Variants in MALRD1 observed in about 807,000 individuals in gnomAD.
MALRD1 encodes the protein MAM and LDL receptor class A domain containing 1, also known as MAM and LDL-receptor class A domain-containing protein 1.
A neutral mutation model predicts 242.1 loss-of-function variants in MALRD1; 247 were observed. The ratio of observed to expected loss-of-function variants is 1.02; its 90% confidence interval spans 0.92 to 1.13. The LOEUF (loss-of-function observed/expected upper bound fraction) is 1.13. Among genes scored for constraint, MALRD1 ranks in the 50% most tolerant of loss-of-function variants. The probability of loss-of-function intolerance (pLI) is 0.00; values close to 1 mark genes in which losing one functional copy is unlikely to be tolerated. For synonymous variants in MALRD1, 995 were observed against 866.6 expected (o/e 1.15, Z -2.60); for missense variants, 2,989 against 2,533.1 (o/e 1.18, Z -3.86).
intron 29 of MALRD1, among the ~76,000 whole-genome samples, chr10:19,468,931 C>A (rs923995911): frequency 2.6e-5 from 4 of 152,022 alleles, no homozygotes; most frequent in Admixed American, 2.0e-4. Flanking sequence ...TTCTCTCCCT[C>A]CTCTTAATTT....
chr10:19,304,014 C>A (rs1288558363), intron 21 of MALRD1, among the ~76,000 whole-genome samples: 2 of 151,666 alleles, frequency 1.3e-5, no homozygotes, highest in African/African-American at 2.4e-5. Flanking sequence ...TTAAGGGATA[C>A]TGGGGTAGCT....
At chr10:19,637,109 A>C (rs1840171463) in intron 36 of MALRD1, among the ~76,000 whole-genome samples, 1 of 152,192 alleles carries the variant, frequency 6.6e-6, no homozygotes, top group African/African-American at 2.4e-5. Flanking sequence ...GGCCAATAAG[A>C]CTTGATAAGT....
chr10:19,086,405 G>A (rs933035899), intron 2 of MALRD1, among the ~76,000 whole-genome samples: 2 of 151,994 alleles, frequency 1.3e-5, no homozygotes, highest in African/African-American at 4.8e-5. Context: ...ATGAAATAGA[G>A]TGGCAGAAAA....
chr10:19,146,144 T>G (rs1833719305), intron 10 of MALRD1, 54 bp from the exon 11 acceptor site: 1 of 1,212,646 alleles, frequency 8.2e-7, no homozygotes. Flanking sequence ...AGAGCAGTGT[T>G]TGCCTGCATG....
intron 28 of MALRD1, 60 bp from the exon 29 acceptor site, chr10:19,450,247 C>T (rs1835244704): frequency 7.0e-7 from 1 of 1,420,016 alleles, no homozygotes; most frequent in African/African-American, 1.4e-5. Context: ...TTTTGCCCCA[C>T]ACTGCATCAT....
intron 33 of MALRD1, among the ~76,000 whole-genome samples, chr10:19,578,868 A>G (rs746333214): frequency 4.6e-5 from 7 of 152,180 alleles, no homozygotes; most frequent in South Asian, 4.1e-4. Context: ...TACATCTTTT[A>G]GCTTACATCT....
chr10:19,503,315 G>A (rs1298424224), intron 31 of MALRD1, among the ~76,000 whole-genome samples: 1 of 152,182 alleles, frequency 6.6e-6, no homozygotes, highest in African/African-American at 2.4e-5. Context: ...TGAGCCTATG[G>A]TCTATTTCTA....
At chr10:19,208,629 G>T (rs926131651) in intron 17 of MALRD1, among the ~76,000 whole-genome samples, 1 of 152,156 alleles carries the variant, frequency 6.6e-6, no homozygotes, top group African/African-American at 2.4e-5. Context: ...CAGGGTGCTT[G>T]TTAAAAATGT....
chr10:19,408,736 G>A (rs1432106870), intron 28 of MALRD1, among the ~76,000 whole-genome samples: 2 of 152,016 alleles, frequency 1.3e-5, no homozygotes, highest in Admixed American at 6.6e-5. Context: ...ACTACACGCC[G>A]ACCAGAATAG....
At chr10:19,376,542 CTTTTTTTTTT>C (rs57836152) in intron 26 of MALRD1, among the ~76,000 whole-genome samples, 6 of 94,990 alleles carry the variant, frequency 6.3e-5, no homozygotes, top group East Asian at 3.4e-4. Context: ...TTGATACATT[CTTTTTTTTTT>C]TTTTTTTTTT....
At chr10:19,285,813 G>A (rs963669559) in intron 21 of MALRD1, among the ~76,000 whole-genome samples, 4 of 110,848 alleles carry the variant, frequency 3.6e-5, no homozygotes, top group African/African-American at 1.1e-4. Flanking sequence ...GCTTGATGGG[G>A]ATGGCATTGA....
rs56045302 is a variant in MALRD1 at position 19,379,682 on chromosome 10, C to T, written c.4442-7846C>T. Among the ~76,000 whole-genome samples the T allele has an allele frequency of 9.4e-3, 1,428 of 152,188 alleles. 20 individuals carry two copies. The highest frequency in any genetic ancestry group is 0.032 in the African/African-American group (1,349 of 41,526). ...TTAATTCTTCTAAATTTATTGAAAC[C>T]TGTTTTATGGCCTTTTATATGGTCC... On this transcript the variant is annotated intron_variant, in intron 26 of 39. Coordinates refer to ENST00000454679, the MANE Select transcript of MALRD1 (RefSeq NM_001142308.3).
chr10:19,599,443 A>ATT (rs1330798948), intron 34 of MALRD1, among the ~76,000 whole-genome samples: 2 of 152,186 alleles, frequency 1.3e-5, no homozygotes, highest in Non-Finnish European at 2.9e-5. Context: ...TCGTAAAAAT[A>ATT]TAAAAGAAAA....
At chr10:19,568,857 A>G (rs978051029) in intron 33 of MALRD1, among the ~76,000 whole-genome samples, 1 of 151,990 alleles carries the variant, frequency 6.6e-6, no homozygotes, top group African/African-American at 2.4e-5. Flanking sequence ...TTTCACACGA[A>G]TTTGAATAGT....
At chr10:19,377,582 C>T (rs924378894) in intron 26 of MALRD1, among the ~76,000 whole-genome samples, 1 of 151,816 alleles carries the variant, frequency 6.6e-6, no homozygotes, top group Non-Finnish European at 1.5e-5. Context: ...GAATAAGATA[C>T]ATAAAATTCT....
intron 21 of MALRD1, chr10:19,290,092 G>A (rs1298888165): frequency 6.6e-6 from 1 of 152,146 alleles, no homozygotes; most frequent in Non-Finnish European, 1.5e-5. Flanking sequence ...CTGTGTAGTT[G>A]AGTCTTAGGC....
chr10:19,289,199 G>A (rs1841288717), intron 21 of MALRD1, among the ~76,000 whole-genome samples: 1 of 152,118 alleles, frequency 6.6e-6, no homozygotes, highest in Non-Finnish European at 1.5e-5. Context: ...TTAAGAAAAG[G>A]TGGACTAGAA....
At chr10:19,074,330 A>G (rs1835252474) in intron 2 of MALRD1, among the ~76,000 whole-genome samples, 1 of 152,052 alleles carries the variant, frequency 6.6e-6, no homozygotes, top group Admixed American at 6.6e-5. Context: ...GTGCTTAATG[A>G]TTCCTTATGT....
intron 21 of MALRD1, among the ~76,000 whole-genome samples, chr10:19,288,936 A>T (rs1841274193): frequency 6.6e-6 from 1 of 152,032 alleles, no homozygotes; most frequent in African/African-American, 2.4e-5. Flanking sequence ...TTTAACATCC[A>T]GTTATTTTCT....
Sources: gnomAD v4.1 joint callset for allele counts (sites outside exome capture counted in the v4.1 genomes callset) on GRCh38, gnomAD v4.1.1 for gene constraint, MANE v1.5 for transcripts, NCBI Gene and HGNC (gene_info 2026-07-23, HGNC 2026-07-21) for gene names.